Variants in NDUFAF2 observed in about 807,000 individuals in gnomAD.
NDUFAF2 encodes the protein NADH:ubiquinone oxidoreductase complex assembly factor 2, also known as NADH dehydrogenase [ubiquinone] 1 alpha subcomplex assembly factor 2.
In NDUFAF2, 13 loss-of-function variants were observed where a neutral mutation model predicts 22.8. That is an observed-to-expected ratio of 0.57 (90% CI 0.37 to 0.91). The LOEUF (loss-of-function observed/expected upper bound fraction) is 0.91. Among genes scored for constraint, NDUFAF2 ranks in the 40% least tolerant of loss-of-function variants. NDUFAF2 has a pLI of 0.01. For synonymous variants in NDUFAF2, 53 were observed against 64.2 expected (o/e 0.83, Z 0.84); for missense variants, 162 against 195.2 (o/e 0.83, Z 1.01).
At chr5:60,995,532 C>A (rs1751218074) in intron 1 of NDUFAF2, among the ~76,000 whole-genome samples, 1 of 152,136 alleles carries the variant, frequency 6.6e-6, no homozygotes, top group African/African-American at 2.4e-5. Flanking sequence ...ACATACAGAA[C>A]CTCTCTGTCT....
intron 1 of NDUFAF2, among the ~76,000 whole-genome samples, chr5:61,040,615 G>T (rs549261515): frequency 1.3e-5 from 2 of 151,884 alleles, no homozygotes; most frequent in South Asian, 4.1e-4. Context: ...AAGTACTTGA[G>T]AGGAGAACTG....
intron 1 of NDUFAF2, among the ~76,000 whole-genome samples, chr5:60,974,783 T>A (rs375786629): frequency 9.9e-5 from 15 of 152,156 alleles, no homozygotes; most frequent in African/African-American, 3.6e-4. Flanking sequence ...GATAGCTTAC[T>A]GAGATTTGTG....
intron 3 of NDUFAF2, among the ~76,000 whole-genome samples, chr5:61,122,192 A>C (rs998255635): frequency 6.6e-6 from 1 of 152,058 alleles, no homozygotes; most frequent in Non-Finnish European, 1.5e-5. Flanking sequence ...CTACCCTGCA[A>C]ATTTGAGCTT....
intron 1 of NDUFAF2, among the ~76,000 whole-genome samples, chr5:61,058,762 C>CA (rs1356266015): frequency 2.6e-5 from 4 of 151,834 alleles, no homozygotes; most frequent in African/African-American, 9.7e-5. Flanking sequence ...TTTAGCTTTA[C>CA]AAAAAAGTAT....
intron 1 of NDUFAF2, among the ~76,000 whole-genome samples, chr5:60,960,192 GTTAT>G (rs1750666191): frequency 6.6e-6 from 1 of 152,108 alleles, no homozygotes; most frequent in Non-Finnish European, 1.5e-5. Context: ...GAGAAAAAGA[GTTAT>G]TTGTCTCCTT....
At chr5:61,145,516 G>A (rs955412290) in intron 3 of NDUFAF2, among the ~76,000 whole-genome samples, 1 of 152,118 alleles carries the variant, frequency 6.6e-6, no homozygotes, top group Non-Finnish European at 1.5e-5. Context: ...AACTTTTTGA[G>A]CACTATTAAG....
At chr5:61,122,115 G>A (rs186163426) in intron 3 of NDUFAF2, among the ~76,000 whole-genome samples, 1 of 152,218 alleles carries the variant, frequency 6.6e-6, no homozygotes, top group East Asian at 1.9e-4. Context: ...ACAGGCATGA[G>A]CCACTGCGCC....
intron 3 of NDUFAF2, among the ~76,000 whole-genome samples, chr5:61,141,311 A>C (rs1741053762): frequency 6.6e-6 from 1 of 152,046 alleles, no homozygotes; most frequent in Non-Finnish European, 1.5e-5. Flanking sequence ...TCTTTGTTTT[A>C]TATGATTGCA....
intron 1 of NDUFAF2, among the ~76,000 whole-genome samples, chr5:60,957,053 A>G (rs577428236): frequency 1.3e-5 from 2 of 152,274 alleles, no homozygotes; most frequent in African/African-American, 2.4e-5. Context: ...AATTTTGCTT[A>G]TAACTGAAGG....
chr5:61,151,901 G>C (rs1741245876), intron 3 of NDUFAF2, among the ~76,000 whole-genome samples: 1 of 152,140 alleles, frequency 6.6e-6, no homozygotes, highest in South Asian at 2.1e-4. Flanking sequence ...TTTAAGATAC[G>C]TATCTTTTCA....
intron 1 of NDUFAF2, among the ~76,000 whole-genome samples, chr5:61,034,064 CAGTGCTAT>C (rs1463237208): frequency 8.6e-5 from 13 of 152,014 alleles, no homozygotes; most frequent in African/African-American, 3.1e-4. Context: ...CCAAGGAAGG[CAGTGCTAT>C]AGGGATTTGG....
intron 1 of NDUFAF2, among the ~76,000 whole-genome samples, chr5:60,990,712 TTAAA>T (rs1171331300): frequency 6.6e-6 from 1 of 152,220 alleles, no homozygotes; most frequent in Non-Finnish European, 1.5e-5. Context: ...TATTTCTAAT[TTAAA>T]TATGTTTTAA....
chr5:61,084,170 T>C (rs1277491530), intron 2 of NDUFAF2, among the ~76,000 whole-genome samples: 1 of 151,756 alleles, frequency 6.6e-6, no homozygotes, highest in East Asian at 1.9e-4. Flanking sequence ...ATTTTTATCA[T>C]GAATGCTGTT....
intron 2 of NDUFAF2, among the ~76,000 whole-genome samples, chr5:61,082,630 T>C (rs576864684): frequency 1.6e-4 from 24 of 152,296 alleles, no homozygotes; most frequent in Admixed American, 5.2e-4. Context: ...TATTTGGTTT[T>C]CTGTTTCTGC....
chr5:61,016,589 T>A (rs75884538), intron 1 of NDUFAF2, among the ~76,000 whole-genome samples: 2 of 152,216 alleles, frequency 1.3e-5, no homozygotes, highest in Admixed American at 6.5e-5. Context: ...ATATATTGTC[T>A]TGACAGAGTA....
intron 1 of NDUFAF2, among the ~76,000 whole-genome samples, chr5:60,992,322 T>C (rs1751169384): frequency 6.6e-6 from 1 of 152,190 alleles, no homozygotes; most frequent in Non-Finnish European, 1.5e-5. Flanking sequence ...CATTTGTCCA[T>C]TTTTGCTTTG....
intron 1 of NDUFAF2, among the ~76,000 whole-genome samples, chr5:60,995,466 G>T (rs928642996): frequency 6.6e-6 from 1 of 152,188 alleles, no homozygotes; most frequent in Non-Finnish European, 1.5e-5. Context: ...GACATGATCT[G>T]GGAGAATTCT....
At chr5:60,978,066 A>C (rs1346529234) in intron 1 of NDUFAF2, among the ~76,000 whole-genome samples, 3 of 152,128 alleles carry the variant, frequency 2.0e-5, no homozygotes, top group South Asian at 2.1e-4. Context: ...CACTGAGATC[A>C]TATCTGTGTG....
intron 1 of NDUFAF2, among the ~76,000 whole-genome samples, chr5:61,045,638 T>C (rs1751944787): frequency 6.6e-6 from 1 of 152,110 alleles, no homozygotes; most frequent in Admixed American, 6.6e-5. Context: ...CTTACTTGGC[T>C]GATTTCTTTT....
Sources: allele counts gnomAD v4.1 joint callset (sites outside exome capture counted in the v4.1 genomes callset), GRCh38; gene constraint gnomAD v4.1.1; transcripts MANE v1.5; gene names NCBI Gene and HGNC (gene_info 2026-07-23, HGNC 2026-07-21).